The following USH2A variants were observed in gnomAD, a reference collection of about 807,000 sequenced individuals.
USH2A encodes the protein usherin, also known as Usher syndrome 2A (autosomal recessive, mild).
In USH2A, 443 loss-of-function variants were observed where a neutral mutation model predicts 538.9. That is an observed-to-expected ratio of 0.82 (90% CI 0.76 to 0.89). The LOEUF is 0.89. Among genes scored for constraint, USH2A ranks in the 40% least tolerant of loss-of-function variants. USH2A has a pLI of 0.00. For synonymous variants in USH2A, 2,413 were observed against 2,273.5 expected (o/e 1.06, Z -1.75); for missense variants, 6,633 against 6,324.8 (o/e 1.05, Z -1.65).
At chr1:215,798,053 C>G (rs1267572372) in intron 50 of USH2A, among the ~76,000 whole-genome samples, 2 of 152,036 alleles carry the variant, frequency 1.3e-5, no homozygotes, top group African/African-American at 4.8e-5. Context: ...TCATGGATGA[C>G]TAAGGGGTTT....
At chr1:215,967,089 G>C (rs913155521) in intron 36 of USH2A, among the ~76,000 whole-genome samples, 15 of 152,282 alleles carry the variant, frequency 9.9e-5, no homozygotes, top group African/African-American at 1.4e-4. Context: ...CTTGGCTTTG[G>C]CCTGGGAACC....
At chr1:216,164,275 G>A (rs1261198393) in intron 21 of USH2A, among the ~76,000 whole-genome samples, 2 of 152,082 alleles carry the variant, frequency 1.3e-5, no homozygotes, top group Non-Finnish European at 2.9e-5. Flanking sequence ...AAAATAGAAG[G>A]AGAAACCTAG....
chr1:215,823,811 T>C (rs554308921), intron 47 of USH2A, among the ~76,000 whole-genome samples: 1 of 152,148 alleles, frequency 6.6e-6, no homozygotes, highest in South Asian at 2.1e-4. Context: ...TCTAGTTTGC[T>C]ATTGAGAGCC....
chr1:215,704,325 A>G (rs1248440213), intron 61 of USH2A, among the ~76,000 whole-genome samples: 1 of 152,028 alleles, frequency 6.6e-6, no homozygotes, highest in Non-Finnish European at 1.5e-5. Flanking sequence ...CCTTCAGTTC[A>G]TTTTTACCCA....
chr1:216,186,692 G>T (rs1391462862), intron 20 of USH2A, among the ~76,000 whole-genome samples: 1 of 151,954 alleles, frequency 6.6e-6, no homozygotes, highest in South Asian at 2.1e-4. Context: ...CTCCTGGATG[G>T]TTATAATTGG....
At chr1:216,045,377 A>T (rs12119022) in intron 32 of USH2A, among the ~76,000 whole-genome samples, 97,525 of 152,048 alleles carry the variant, frequency 0.64, 32,350 homozygotes, top group African/African-American at 0.81. Context: ...TACTTCATTT[A>T]ATTTCAGTAT....
chr1:215,940,279 C>T (rs1193477701), intron 37 of USH2A, among the ~76,000 whole-genome samples: 4 of 152,056 alleles, frequency 2.6e-5, no homozygotes, highest in Non-Finnish European at 4.4e-5. Flanking sequence ...TCAGTTCCAT[C>T]TCACTATCAC....
intron 18 of USH2A, 76 bp from the exon 19 acceptor site, chr1:216,196,798 A>G: frequency 6.7e-7 from 1 of 1,485,134 alleles, no homozygotes; most frequent in Non-Finnish European, 9.2e-7. Flanking sequence ...TAATTCACAC[A>G]TTCATTTAGT....
intron 46 of USH2A, among the ~76,000 whole-genome samples, chr1:215,841,662 A>G (rs1663677906): frequency 6.6e-6 from 1 of 152,244 alleles, no homozygotes; most frequent in African/African-American, 2.4e-5. Context: ...AAAACATCAA[A>G]AACAATTGCA....
At chr1:216,132,889 T>C (rs1256926523) in intron 21 of USH2A, among the ~76,000 whole-genome samples, 2 of 152,128 alleles carry the variant, frequency 1.3e-5, no homozygotes, top group African/African-American at 4.8e-5. Context: ...GGCTAATCCA[T>C]GTTAAAATGT....
At chr1:215,687,475 G>A (rs1383124727) in intron 61 of USH2A, among the ~76,000 whole-genome samples, 2 of 151,870 alleles carry the variant, frequency 1.3e-5, no homozygotes, top group Non-Finnish European at 2.9e-5. Context: ...CAAATTGGCT[G>A]TATCAATTTA....
chr1:215,930,842 T>C (rs1194188343), intron 38 of USH2A, among the ~76,000 whole-genome samples: 1 of 152,032 alleles, frequency 6.6e-6, no homozygotes, highest in Non-Finnish European at 1.5e-5. Context: ...AGTTTCATAT[T>C]TATGGATTAA....
chr1:215,864,766 A>G (rs1489876524), intron 44 of USH2A, among the ~76,000 whole-genome samples: 1 of 152,200 alleles, frequency 6.6e-6, no homozygotes, highest in Non-Finnish European at 1.5e-5. Flanking sequence ...GAAGTAACAC[A>G]GGGACGCTTT....
At chr1:215,810,090 C>T (rs1409921767) in intron 49 of USH2A, among the ~76,000 whole-genome samples, 1 of 151,952 alleles carries the variant, frequency 6.6e-6, no homozygotes, top group Non-Finnish European at 1.5e-5. Flanking sequence ...TTTCTTGACA[C>T]CAGGGTATGC....
intron 32 of USH2A, among the ~76,000 whole-genome samples, chr1:216,019,073 A>T (rs1668784400): frequency 6.6e-6 from 1 of 152,186 alleles, no homozygotes; most frequent in East Asian, 1.9e-4. Flanking sequence ...CTATATAGAC[A>T]ATTTAAATCT....
intron 16 of USH2A, among the ~76,000 whole-genome samples, chr1:216,201,001 C>CTCCT (rs2034980933): frequency 9.2e-6 from 1 of 109,046 alleles, no homozygotes; most frequent in South Asian, 3.6e-4. Flanking sequence ...CCCTCCCTCC[C>CTCCT]TCCCTCCCTC....
chr1:216,149,423 C>T (rs180859303), intron 21 of USH2A, among the ~76,000 whole-genome samples: 170 of 152,240 alleles, frequency 1.1e-3, no homozygotes, highest in African/African-American at 3.9e-3. Flanking sequence ...TACCCCTTAC[C>T]GTCCTCAATC....
intron 70 of USH2A, among the ~76,000 whole-genome samples, chr1:215,629,805 T>C (rs1371671673): frequency 1.3e-5 from 2 of 149,772 alleles, no homozygotes; most frequent in Non-Finnish European, 3.0e-5. Context: ...AGACAGAGTT[T>C]TGCTCTTTCG....
chr1:215,628,178 C>G (rs987367808), intron 71 of USH2A, among the ~76,000 whole-genome samples: 1 of 152,052 alleles, frequency 6.6e-6, no homozygotes, highest in South Asian at 2.1e-4. Flanking sequence ...AAAAAAGTAC[C>G]TTTTTGTTTT....
Sources: allele counts gnomAD v4.1 joint callset (sites outside exome capture counted in the v4.1 genomes callset), GRCh38; gene constraint gnomAD v4.1.1; transcripts MANE v1.5; gene names NCBI Gene and HGNC (gene_info 2026-07-23, HGNC 2026-07-21).